TOMM22: variants seen among roughly 807,000 people sequenced by gnomAD.
TOMM22 encodes the protein translocase of outer mitochondrial membrane 22.
TOMM22 carries 3 observed loss-of-function variants against 17.1 expected under a neutral mutation model. That is an observed-to-expected ratio of 0.18 (90% CI 0.08 to 0.45). The LOEUF (loss-of-function observed/expected upper bound fraction) is 0.45. Ranked by LOEUF, TOMM22 falls within the 20% of genes least tolerant of loss-of-function variation. The pLI, the probability that TOMM22 is intolerant of heterozygous loss-of-function variation, is 0.99. For synonymous variants in TOMM22, 91 were observed against 74.0 expected (o/e 1.23, Z -1.18); for missense variants, 159 against 179.5 (o/e 0.89, Z 0.65).
intron 3 of TOMM22, 132 bp from the exon 4 acceptor site, chr22:38,683,635 C>G: frequency 1.6e-6 from 1 of 642,390 alleles, no homozygotes; most frequent in Non-Finnish European, 2.7e-6. Context: ...GGATTGGGAT[C>G]GGGCCCATGC....
intron 3 of TOMM22, 94 bp downstream of exon 3, chr22:38,683,090 T>C: frequency 1.1e-6 from 1 of 919,140 alleles, no homozygotes. Context: ...CAGGGACTGG[T>C]TTCATGGAAC....
chr22:38,682,017 C>T lies in TOMM22; in HGVS notation c.39C>T (p.Pro13=), dbSNP rs192706879. 4 of 1,611,396 alleles carry T rather than the reference C, an allele frequency of 2.5e-6. No homozygotes were observed. Among genetic ancestry groups the T allele is most frequent in the African/African-American group, 2.7e-5 (2 of 75,014 alleles). ...TCGCTGCTGCCGGTGCAGGGGAACC[C>T]CAGTCCCCGGACGAATTGCTCCCGA... ...AAVAAAGAGE[P]QSPDELLPKG... The change falls in exon 1 of 4, where the codon CCC becomes CCT. Residue 13 remains proline (P), a synonymous_variant. Transcript: ENST00000216034.
intron 1 of TOMM22, 76 bp downstream of exon 1, chr22:38,682,171 G>A: frequency 1.8e-5 from 27 of 1,514,354 alleles, no homozygotes; most frequent in Non-Finnish European, 2.3e-5. Context: ...TACGGGATCG[G>A]AGCGAAGCGG....
rs1214800134 is a variant in TOMM22 at position 38,681,967 on chromosome 22, T to TC, written c.-8dup. On this transcript the variant is annotated 5_prime_UTR_variant, in exon 1 of 4. Coordinates refer to ENST00000216034, the MANE Select transcript of TOMM22 (RefSeq NM_020243.5). Reference sequence around the variant, plus strand: ...GCTCACCTCCTTTCCGCTTCCGGTGTCCCCTACAGTCATGGCTGCCGCCGT... The same window carrying TC: ...GCTCACCTCCTTTCCGCTTCCGGTGTCCCCCTACAGTCATGGCTGCCGCCGT... The TC allele has an allele frequency of 1.7e-5, 27 of 1,603,812 alleles. No individual in the cohort carries two copies. Among genetic ancestry groups the TC allele is most frequent in the Middle Eastern group, 1.7e-4 (1 of 6,054 alleles).
Position 38,682,062 on chromosome 22 carries a change from TGAG to T in TOMM22, c.91_93del (p.Glu31del). 6.3e-7 allele frequency: 1 copy of T among 1,597,494 alleles called. No homozygotes were observed. The highest frequency in any genetic ancestry group is 8.5e-7 in the Non-Finnish European group (1 of 1,172,344). On this transcript the variant is annotated inframe_deletion, in exon 1 of 4. Coordinates refer to ENST00000216034, the MANE Select transcript of TOMM22 (RefSeq NM_020243.5). ...TCCCGAAAGGCGACGCGGAGAAGCC[TGAG>T]GAGGAGCTGGAGGAGGACGACGATG...
chr22:38,682,166 GATCGGAGCGAAGCGGCTGCT>G, intron 1 of TOMM22, 71 bp downstream of exon 1: 1 of 1,522,476 alleles, frequency 6.6e-7, no homozygotes, highest in African/African-American at 1.4e-5. Flanking sequence ...CGTGGTACGG[GATCGGAGCGAAGCGGCTGCT>G]TTGGGAGGCG....
chr22:38,683,653 G>T, intron 3 of TOMM22, 114 bp from the exon 4 acceptor site: 2 of 766,176 alleles, frequency 2.6e-6, no homozygotes, highest in Non-Finnish European at 4.4e-6. Context: ...TGCTCTTTTA[G>T]TTGTCTGACT....
intron 3 of TOMM22, 138 bp downstream of exon 3, chr22:38,683,134 C>CGG (rs1771520430): frequency 2.6e-5 from 1 of 38,356 alleles, no homozygotes; most frequent in Admixed American, 3.0e-4. Context: ...TTGGGGGTGG[C>CGG]CGGGGGTCGG....
chr22:38,683,618 TG>T, intron 3 of TOMM22, 148 bp from the exon 4 acceptor site: 1 of 598,108 alleles, frequency 1.7e-6, no homozygotes, highest in Admixed American at 2.8e-5. Context: ...AGTTAATGTG[TG>T]GGTGGGGATT....
At chr22:38,683,028 G>A in intron 3 of TOMM22, 32 bp downstream of exon 3, 1 of 1,575,272 alleles carries the variant, frequency 6.3e-7, no homozygotes, top group Non-Finnish European at 8.7e-7. Flanking sequence ...TTTGCCAGTG[G>A]TGGAGACGCA....
intron 3 of TOMM22, 89 bp from the exon 4 acceptor site, chr22:38,683,678 A>AT: frequency 1.0e-6 from 1 of 953,580 alleles, no homozygotes; most frequent in Non-Finnish European, 1.7e-6. Flanking sequence ...TTTCAGTATT[A>AT]TTTTTGTAGA....
Position 38,684,200 on chromosome 22 carries a change from GTT to G in TOMM22, c.*376_*377del, listed in dbSNP as rs758537384. 267 of 131,248 alleles carry G rather than the reference GTT, an allele frequency of 2.0e-3. No individual in the cohort carries two copies. The highest frequency in any genetic ancestry group is 5.6e-3 in the South Asian group (26 of 4,630). 8.1% of individuals were successfully genotyped at this position (131,248 alleles called of 1,614,324 possible). A position where few individuals can be genotyped will look rare whatever the true frequency, so the allele number is the denominator to read the frequency against. On this transcript the variant is annotated 3_prime_UTR_variant, in exon 4 of 4. Transcript: ENST00000216034. ...GATGTGCCCCTGACCATTAACGACT[GTT>G]TTTTTTTTTTTTTTTTAAAGAATGG... is the stretch of plus-strand genomic sequence containing the variant.
chr22:38,682,127 A>G (rs752379883), intron 1 of TOMM22, 32 bp downstream of exon 1: 5 of 1,545,472 alleles, frequency 3.2e-6, no homozygotes, highest in Non-Finnish European at 2.6e-6. Context: ...CAGAGCGGGA[A>G]GCGGGCCCGC....
rs1356237907 is a variant in TOMM22, at chr22:38,682,939, T to C, written c.297T>C (p.Val99=). Residue 99 remains valine, a synonymous_variant, in exon 3 of 4, where the codon GTT becomes GTC. Transcript: ENST00000216034. ...CCTTTATGATCCTGGTTCTTCCCGTTGTCTTTGAGACGGAGAAGTTGCAAA... is the reference window on the plus strand; with the variant it reads ...CCTTTATGATCCTGGTTCTTCCCGTCGTCTTTGAGACGGAGAAGTTGCAAA... The part of the protein sequence containing the change: ...TTSFMILVLP[V]VFETEKLQME... The C allele has an allele frequency of 6.2e-7, 1 of 1,613,882 alleles. No homozygotes were observed. Among genetic ancestry groups the C allele is most frequent in the Non-Finnish European group, 8.5e-7 (1 of 1,179,882 alleles).
intron 3 of TOMM22, 76 bp from the exon 4 acceptor site, chr22:38,683,691 T>G (rs2145796423): frequency 9.1e-7 from 1 of 1,096,968 alleles, no homozygotes; most frequent in Middle Eastern, 2.0e-4. Flanking sequence ...TTTGTAGACG[T>G]TGGCCCCATC....
intron 2 of TOMM22, 132 bp from the exon 3 acceptor site, chr22:38,682,747 T>G: frequency 1.3e-6 from 1 of 790,304 alleles, no homozygotes; most frequent in Non-Finnish European, 2.2e-6. Flanking sequence ...AGGAGTATGG[T>G]GTAAGGAGCG....
At position 38,684,010 on chromosome 22, in the gene TOMM22, C is replaced by T; in HGVS notation, c.*169C>T. ...TCTCATGGAAAGACTCAACTTGCAA[C>T]TGTGCCCTCCACACTATCCTTACTT... On this transcript the variant is annotated 3_prime_UTR_variant, in exon 4 of 4. Coordinates refer to ENST00000216034, the MANE Select transcript of TOMM22 (RefSeq NM_020243.5). The T allele has an allele frequency of 1.7e-6, 1 of 605,792 alleles. No homozygotes were observed. Among genetic ancestry groups the T allele is most frequent in the East Asian group, 2.8e-5 (1 of 36,250 alleles). 37.5% of individuals were successfully genotyped at this position (605,792 alleles called of 1,614,324 possible).
chr22:38,682,181 G>A (rs562714385), intron 1 of TOMM22, 86 bp downstream of exon 1: 12 of 1,506,388 alleles, frequency 8.0e-6, no homozygotes, highest in African/African-American at 5.5e-5. Context: ...GAGCGAAGCG[G>A]CTGCTTTGGG....
At chr22:38,682,543 TG>T in intron 2 of TOMM22, 102 bp downstream of exon 2, 1 of 1,059,218 alleles carries the variant, frequency 9.4e-7, no homozygotes, top group Non-Finnish European at 1.4e-6. Context: ...TGGGTGACCT[TG>T]GGCTTGTACC....
Sources: gnomAD v4.1 joint callset for allele counts on GRCh38, gnomAD v4.1.1 for gene constraint, MANE v1.5 for transcripts, NCBI Gene and HGNC (gene_info 2026-07-23, HGNC 2026-07-21) for gene names.